The following RBFOX1 variants were observed in gnomAD, a reference collection of about 807,000 sequenced individuals.
RBFOX1 encodes RNA binding protein fox-1 homolog 1.
In RBFOX1, 8 loss-of-function variants were observed where a neutral mutation model predicts 57.7. The observed-to-expected ratio is 0.14, with a 90% CI of 0.08 to 0.25. The LOEUF is 0.25. Among genes scored for constraint, RBFOX1 ranks in the 10% least tolerant of loss-of-function variants. RBFOX1 has a pLI of 1.00. For synonymous variants in RBFOX1, 326 were observed against 222.4 expected (o/e 1.47, Z -4.15); for missense variants, 611 against 548.5 (o/e 1.11, Z -1.14).
intron 4 of RBFOX1, among the ~76,000 whole-genome samples, chr16:7,114,495 C>G (rs1051164335): frequency 4.6e-5 from 7 of 152,160 alleles, no homozygotes; most frequent in Non-Finnish European, 8.8e-5. Context: ...AGCACTCAAG[C>G]ACTGTGAAAA....
intron 3 of RBFOX1, among the ~76,000 whole-genome samples, chr16:5,814,592 A>G (rs183286665): frequency 3.9e-5 from 6 of 152,322 alleles, no homozygotes; most frequent in Admixed American, 1.3e-4. Context: ...TAGAGAGCCT[A>G]TCTTCTCATC....
chr16:7,077,315 C>G (rs879832147), intron 4 of RBFOX1, among the ~76,000 whole-genome samples: 2 of 152,160 alleles, frequency 1.3e-5, no homozygotes, highest in Non-Finnish European at 2.9e-5. Context: ...GTGTAACTGA[C>G]CAAAGTAAAT....
intron 5 of RBFOX1, among the ~76,000 whole-genome samples, chr16:7,570,044 A>G (rs1359456624): frequency 6.6e-6 from 1 of 152,228 alleles, no homozygotes; most frequent in Non-Finnish European, 1.5e-5. Flanking sequence ...GATGTGTAAA[A>G]TACAAGATTT....
intron 3 of RBFOX1, among the ~76,000 whole-genome samples, chr16:6,689,970 G>A (rs971876085): frequency 6.6e-6 from 1 of 152,178 alleles, no homozygotes; most frequent in African/African-American, 2.4e-5. Context: ...CAGAGTATAA[G>A]GGCAAGCTGA....
intron 3 of RBFOX1, among the ~76,000 whole-genome samples, chr16:5,724,136 C>T (rs2151542236): frequency 6.6e-6 from 1 of 152,202 alleles, no homozygotes; most frequent in East Asian, 1.9e-4. Context: ...GAACTGTGCT[C>T]CTAGGTTTGT....
At chr16:7,197,166 C>T (rs1306867429) in intron 4 of RBFOX1, among the ~76,000 whole-genome samples, 1 of 152,158 alleles carries the variant, frequency 6.6e-6, no homozygotes, top group South Asian at 2.1e-4. Context: ...TCTCTGGTTT[C>T]TCCAGGCTGT....
chr16:5,813,636 T>G (rs1027162324), intron 3 of RBFOX1, among the ~76,000 whole-genome samples: 1 of 152,248 alleles, frequency 6.6e-6, no homozygotes, highest in African/African-American at 2.4e-5. Context: ...TTAAGTGTTC[T>G]TTATATAACA....
chr16:5,351,860 A>G (rs559606084), intron 1 of RBFOX1, among the ~76,000 whole-genome samples: 9 of 152,100 alleles, frequency 5.9e-5, no homozygotes, highest in East Asian at 3.9e-4. Flanking sequence ...CTGGAGTACA[A>G]TGGCACAATC....
In RBFOX1 at chr16:5,856,557, GTGTGTA is replaced by G. The variant is rs1318298819; in HGVS notation, c.319-10740_319-10735del. 4.4e-4 allele frequency among the ~76,000 whole-genome samples: 26 copies of G among 58,668 alleles called. 1 individual carries two copies. The highest frequency in any genetic ancestry group is 1.6e-3 in the African/African-American group (24 of 15,150). The allele number at this position is 58,668 out of a possible 152,430, so 38.5% of individuals were successfully genotyped here. On this transcript the variant is annotated intron_variant, in intron 3 of 19. Transcript: ENST00000641259. The stretch of plus-strand genomic sequence containing the variant: ...TGTGTATGTGTGTGTGTGTGTGTGT[GTGTGTA>G]TGTGTGTGTGTGTATATATATATAT...
intron 4 of RBFOX1, among the ~76,000 whole-genome samples, chr16:5,975,632 G>A (rs1178080719): frequency 6.6e-6 from 1 of 152,104 alleles, no homozygotes; most frequent in Non-Finnish European, 1.5e-5. Flanking sequence ...TCTGTGATCA[G>A]TTCTGGAGTA....
chr16:6,566,727 C>G (rs1279531488), intron 2 of RBFOX1, among the ~76,000 whole-genome samples: 1 of 152,174 alleles, frequency 6.6e-6, no homozygotes. Context: ...GTTCCTGGCA[C>G]TCTCATCTAT....
At chr16:5,708,468 G>C (rs562333487) in intron 3 of RBFOX1, among the ~76,000 whole-genome samples, 1 of 152,280 alleles carries the variant, frequency 6.6e-6, no homozygotes, top group South Asian at 2.1e-4. Context: ...TATAATTTCA[G>C]GCTATTAGTA....
At chr16:7,445,852 G>C (rs1598590910) in intron 4 of RBFOX1, among the ~76,000 whole-genome samples, 2 of 152,302 alleles carry the variant, frequency 1.3e-5, no homozygotes, top group East Asian at 3.9e-4. Flanking sequence ...GCTCATTGAA[G>C]TGGGTTAATA....
At chr16:6,220,845 T>C (rs2097368502) in intron 1 of RBFOX1, among the ~76,000 whole-genome samples, 1 of 152,168 alleles carries the variant, frequency 6.6e-6, no homozygotes, top group African/African-American at 2.4e-5. Flanking sequence ...CCTATGATCA[T>C]AATGAACATT....
In RBFOX1 at chr16:7,581,271, C is replaced by G. The variant is rs114857383; in HGVS notation, c.414+1351C>G. ...TTCCAACTCCTGCAGAACAGAGATA[C>G]CCTCGGGCACTTTCAGGTCAAAGAT... is the stretch of plus-strand genomic sequence containing the variant. On this transcript the variant is annotated intron_variant, in intron 6 of 15. Coordinates refer to ENST00000550418, the MANE Select transcript of RBFOX1 (RefSeq NM_018723.4). 1.8e-3 allele frequency among the ~76,000 whole-genome samples: 272 copies of G among 152,260 alleles called. 1 individual carries two copies. Among genetic ancestry groups the G allele is most frequent in the African/African-American group, 6.0e-3 (249 of 41,544 alleles).
chr16:7,533,708 A>G (rs574872655), intron 5 of RBFOX1, among the ~76,000 whole-genome samples: 17 of 152,232 alleles, frequency 1.1e-4, no homozygotes, highest in South Asian at 6.2e-4. Context: ...TTGTATGGGC[A>G]CTCAAAGCAT....
At chr16:5,883,605 A>G (rs1035536269) in intron 4 of RBFOX1, among the ~76,000 whole-genome samples, 4 of 152,128 alleles carry the variant, frequency 2.6e-5, no homozygotes, top group Non-Finnish European at 4.4e-5. Flanking sequence ...TTGGATTTTG[A>G]AGGCTGTTGG....
At chr16:6,575,635 A>G (rs369653595) in intron 2 of RBFOX1, among the ~76,000 whole-genome samples, 3 of 152,138 alleles carry the variant, frequency 2.0e-5, no homozygotes, top group East Asian at 3.9e-4. Flanking sequence ...CGGTGGGCAG[A>G]TCACCTGAGG....
intron 4 of RBFOX1, among the ~76,000 whole-genome samples, chr16:7,515,741 G>A (rs538848113): frequency 6.6e-6 from 1 of 152,276 alleles, no homozygotes; most frequent in East Asian, 1.9e-4. Flanking sequence ...ACGTCACTGG[G>A]ACTCAGTAGA....
Sources: allele counts gnomAD v4.1 joint callset (sites outside exome capture counted in the v4.1 genomes callset), GRCh38; gene constraint gnomAD v4.1.1; transcripts MANE v1.5; gene names NCBI Gene and HGNC (gene_info 2026-07-23, HGNC 2026-07-21).